ITPR1: variants seen among roughly 807,000 people sequenced by gnomAD.
ITPR1 encodes the protein inositol 1,4,5-trisphosphate-gated calcium channel ITPR1.
In ITPR1, 96 loss-of-function variants were observed where a neutral mutation model predicts 318.4. The observed-to-expected ratio is 0.30, with a 90% CI of 0.26 to 0.36. The LOEUF is 0.36. ITPR1 is among the 10% of genes least tolerant of loss of function. The probability of loss-of-function intolerance (pLI) is 1.00; values close to 1 mark genes in which losing one functional copy is unlikely to be tolerated. For missense variants in ITPR1, 2,440 were observed against 3,460.2 expected, an observed-to-expected ratio of 0.71 and a Z score of 7.40; for synonymous variants, 1,312 against 1,289.9, an observed-to-expected ratio of 1.02 and a Z score of -0.37.
chr3:4,620,563 A>G (rs1409419962), intron 4 of ITPR1, among the ~76,000 whole-genome samples: 4 of 151,666 alleles, frequency 2.6e-5, no homozygotes, highest in African/African-American at 7.3e-5. Flanking sequence ...ACTTTACTTC[A>G]TCTGTCAAGC....
chr3:4,605,525 A>G (rs2091643032), intron 4 of ITPR1, among the ~76,000 whole-genome samples: 1 of 152,206 alleles, frequency 6.6e-6, no homozygotes, highest in Admixed American at 6.5e-5. Context: ...TCCTATTTTT[A>G]GCAAATGGAC....
intron 42 of ITPR1, among the ~76,000 whole-genome samples, chr3:4,728,197 C>G (rs2042659766): frequency 6.6e-6 from 1 of 151,806 alleles, no homozygotes; most frequent in Admixed American, 6.6e-5. Flanking sequence ...AAGGTGCTGA[C>G]TGTGCCTTGC....
At chr3:4,566,643 C>G (rs1053532975) in intron 4 of ITPR1, among the ~76,000 whole-genome samples, 1 of 150,790 alleles carries the variant, frequency 6.6e-6, no homozygotes, top group African/African-American at 2.4e-5. Context: ...CACACACACA[C>G]TGAAACACTC....
intron 44 of ITPR1, among the ~76,000 whole-genome samples, chr3:4,748,475 T>C (rs1438059402): frequency 3.3e-5 from 5 of 152,152 alleles, no homozygotes; most frequent in Non-Finnish European, 7.3e-5. Flanking sequence ...CATGAGCTTT[T>C]CCTTAATTTC....
At chr3:4,764,404 G>C (rs1559855137) in intron 44 of ITPR1, among the ~76,000 whole-genome samples, 1 of 152,194 alleles carries the variant, frequency 6.6e-6, no homozygotes, top group Non-Finnish European at 1.5e-5. Context: ...AATAATCATG[G>C]AGTGCCTTCT....
intron 46 of ITPR1, among the ~76,000 whole-genome samples, chr3:4,771,149 T>C (rs1002242732): frequency 7.2e-5 from 11 of 152,190 alleles, no homozygotes; most frequent in Admixed American, 6.5e-4. Flanking sequence ...ATTTAATCAA[T>C]ATCAGTGAAT....
intron 4 of ITPR1, among the ~76,000 whole-genome samples, chr3:4,548,529 G>A (rs1426321039): frequency 6.6e-6 from 1 of 152,128 alleles, no homozygotes; most frequent in African/African-American, 2.4e-5. Context: ...TTTTCCCGAA[G>A]CCCGTATGCC....
intron 40 of ITPR1, among the ~76,000 whole-genome samples, chr3:4,722,719 C>T (rs1026814645): frequency 3.9e-5 from 6 of 152,146 alleles, no homozygotes; most frequent in Non-Finnish European, 8.8e-5. Context: ...ACTTAGATAC[C>T]ATGTATGGCC....
At chr3:4,633,994 C>G (rs1432732195) in intron 5 of ITPR1, among the ~76,000 whole-genome samples, 1 of 152,172 alleles carries the variant, frequency 6.6e-6, no homozygotes, top group Non-Finnish European at 1.5e-5. Flanking sequence ...ATAATAGTTT[C>G]TCTGTTGCTG....
chr3:4,547,087 A>T (rs1217313427), intron 4 of ITPR1, among the ~76,000 whole-genome samples: 2 of 152,186 alleles, frequency 1.3e-5, no homozygotes, highest in African/African-American at 4.8e-5. Context: ...CAAAACTTTT[A>T]TTGAGTGTCT....
intron 44 of ITPR1, among the ~76,000 whole-genome samples, chr3:4,736,873 C>T (rs539442402): frequency 6.6e-6 from 1 of 152,160 alleles, no homozygotes; most frequent in Admixed American, 6.5e-5. Context: ...GCTGCTATAC[C>T]AGGGGCGATG....
At chr3:4,577,798 A>G (rs1396258548) in intron 4 of ITPR1, among the ~76,000 whole-genome samples, 1 of 152,246 alleles carries the variant, frequency 6.6e-6, no homozygotes, top group Non-Finnish European at 1.5e-5. Flanking sequence ...AAATAGCAGA[A>G]CAGACTGTAA....
At chr3:4,520,980 C>G in intron 3 of ITPR1, 44 bp from the exon 4 acceptor site, 1 of 1,446,622 alleles carries the variant, frequency 6.9e-7, no homozygotes, top group Non-Finnish European at 9.7e-7. Context: ...CTAAGAGTTT[C>G]ATTTTCATAC....
At chr3:4,567,983 G>C (rs1378084450) in intron 4 of ITPR1, among the ~76,000 whole-genome samples, 1 of 63,484 alleles carries the variant, frequency 1.6e-5, no homozygotes, top group Non-Finnish European at 3.5e-5. Context: ...ATTAAGGTGA[G>C]AGTGCTGCTC....
At chr3:4,522,202 A>G (rs777630283) in intron 4 of ITPR1, among the ~76,000 whole-genome samples, 1 of 152,158 alleles carries the variant, frequency 6.6e-6, no homozygotes, top group Non-Finnish European at 1.5e-5. Context: ...ATTATTTATC[A>G]ATTAAGGTAA....
intron 60 of ITPR1, among the ~76,000 whole-genome samples, chr3:4,823,670 T>A (rs9883291): frequency 1.3e-5 from 2 of 151,910 alleles, no homozygotes; most frequent in African/African-American, 4.8e-5. Flanking sequence ...AAGAGTGAGT[T>A]AGGGGAAAAA....
At chr3:4,504,306 G>T (rs767942021) in intron 2 of ITPR1, among the ~76,000 whole-genome samples, 2 of 152,116 alleles carry the variant, frequency 1.3e-5, no homozygotes, top group African/African-American at 2.4e-5. Flanking sequence ...GTGTTGCGGC[G>T]GGGGGAATGG....
intron 4 of ITPR1, among the ~76,000 whole-genome samples, chr3:4,564,024 C>T (rs745926051): frequency 6.6e-6 from 1 of 152,072 alleles, no homozygotes; most frequent in Non-Finnish European, 1.5e-5. Context: ...TCACTGCAAC[C>T]TCCACCTCCG....
intron 60 of ITPR1, among the ~76,000 whole-genome samples, chr3:4,818,757 C>T: frequency 6.6e-6 from 1 of 152,030 alleles, no homozygotes; most frequent in East Asian, 1.9e-4. Flanking sequence ...AATTTGAGTT[C>T]CAAATTAATC....
Sources: allele counts gnomAD v4.1 joint callset (sites outside exome capture counted in the v4.1 genomes callset), GRCh38; gene constraint gnomAD v4.1.1; transcripts MANE v1.5; gene names NCBI Gene and HGNC (gene_info 2026-07-23, HGNC 2026-07-21).